Variants in LIN9 observed in about 807,000 individuals in gnomAD.
LIN9 encodes the protein protein lin-9 homolog.
A neutral mutation model predicts 78.0 loss-of-function variants in LIN9; 18 were observed. The ratio of observed to expected loss-of-function variants is 0.23; its 90% CI spans 0.16 to 0.34. The LOEUF is 0.34. LIN9 is among the 10% of genes least tolerant of loss of function. The pLI, the probability that LIN9 is intolerant of heterozygous loss-of-function variation, is 1.00. For missense variants in LIN9, 451 were observed against 644.1 expected (o/e 0.70, Z 3.25); for synonymous variants, 192 against 215.2 (o/e 0.89, Z 0.94).
At chr1:226,285,760 T>TG (rs1661349912) in intron 6 of LIN9, among the ~76,000 whole-genome samples, 1 of 152,184 alleles carries the variant, frequency 6.6e-6, no homozygotes, top group South Asian at 2.1e-4. Flanking sequence ...TAGGCACTTC[T>TG]GGGAAGGCTC....
intron 1 of LIN9, among the ~76,000 whole-genome samples, chr1:226,302,559 A>C (rs1310509742): frequency 2.0e-5 from 3 of 152,176 alleles, no homozygotes; most frequent in South Asian, 4.1e-4. Flanking sequence ...AAAAAAAAAA[A>C]AAAACAAACC....
chr1:226,277,562 A>C (rs1187688154), intron 7 of LIN9, among the ~76,000 whole-genome samples: 1 of 152,226 alleles, frequency 6.6e-6, no homozygotes. Context: ...AAAAATATCA[A>C]GTGATGTGTA....
intron 10 of LIN9, among the ~76,000 whole-genome samples, chr1:226,254,910 C>CAAAAAA (rs78061206): frequency 5.9e-5 from 3 of 50,706 alleles, no homozygotes; most frequent in Non-Finnish European, 8.2e-5. Context: ...GACTCTGTCT[C>CAAAAAA]AAAAAAAAAA....
chr1:226,267,006 C>T (rs986910749), intron 8 of LIN9, among the ~76,000 whole-genome samples: 2 of 151,794 alleles, frequency 1.3e-5, no homozygotes, highest in African/African-American at 2.4e-5. Context: ...TCTTGAACTC[C>T]TGACATCAGG....
rs143102965 is a variant in LIN9 at position 226,279,440 on chromosome 1, C to T, written c.525-1508G>A. On this transcript the variant is annotated intron_variant, in intron 6 of 14. Coordinates refer to ENST00000681046, the MANE Select transcript of LIN9 (RefSeq NM_001366245.2). ...GATTGTACCACTGCACTCCAGCCTGCACAACAGAGGGAGACTGTTCCCCAC... is the reference window on the plus strand; with the variant it reads ...GATTGTACCACTGCACTCCAGCCTGTACAACAGAGGGAGACTGTTCCCCAC... Among the ~76,000 whole-genome samples the T allele has an allele frequency of 6.0e-5, 9 of 151,246 alleles. No individual in the cohort carries two copies. The East Asian group carries it at 1.8e-3, about 30-fold the overall frequency.
upstream of LIN9, chr1:226,309,167 A>G: frequency 7.1e-7 from 1 of 1,402,750 alleles, no homozygotes; most frequent in Non-Finnish European, 9.4e-7. Context: ...GCTTTTTCAA[A>G]GGCTGCCCGC....
At chr1:226,244,552 T>G (rs1658340803) in intron 11 of LIN9, among the ~76,000 whole-genome samples, 1 of 152,178 alleles carries the variant, frequency 6.6e-6, no homozygotes, top group Non-Finnish European at 1.5e-5. Context: ...AAAAACCAGG[T>G]ATGATCACAA....
intron 11 of LIN9, among the ~76,000 whole-genome samples, chr1:226,244,018 G>A (rs1658298459): frequency 6.6e-6 from 1 of 151,478 alleles, no homozygotes; most frequent in East Asian, 2.1e-4. Context: ...GGGATTACAG[G>A]TGCAGGCTAC....
intron 10 of LIN9, among the ~76,000 whole-genome samples, chr1:226,261,450 AC>A (rs1319844514): frequency 6.6e-6 from 1 of 152,210 alleles, no homozygotes; most frequent in African/African-American, 2.4e-5. Context: ...GTTGCAGGAT[AC>A]AAAGTTAACA....
At chr1:226,272,048 TAAC>T (rs796469228) in intron 7 of LIN9, among the ~76,000 whole-genome samples, 152 of 144,598 alleles carry the variant, frequency 1.1e-3, no homozygotes, top group African/African-American at 4.2e-3. Context: ...CTCATTATCT[TAAC>T]TTTTTTTTTT....
intron 7 of LIN9, among the ~76,000 whole-genome samples, chr1:226,271,969 A>G (rs1203244890): frequency 6.7e-6 from 1 of 149,638 alleles, no homozygotes; most frequent in Admixed American, 6.7e-5. Flanking sequence ...CAACCTGTCT[A>G]TGATTTTATA....
At chr1:226,270,442 T>C (rs896206384) in intron 7 of LIN9, among the ~76,000 whole-genome samples, 1 of 152,010 alleles carries the variant, frequency 6.6e-6, no homozygotes, top group Non-Finnish European at 1.5e-5. Flanking sequence ...TTACTAGACA[T>C]GTAAAGAAGT....
chr1:226,298,255 C>T (rs563707934), intron 2 of LIN9, among the ~76,000 whole-genome samples: 1 of 152,232 alleles, frequency 6.6e-6, no homozygotes, highest in African/African-American at 2.4e-5. Flanking sequence ...ATCGCCCAGG[C>T]TGGAGTGCAG....
At chr1:226,236,990 T>C (rs1657760880) in intron 12 of LIN9, among the ~76,000 whole-genome samples, 1 of 152,250 alleles carries the variant, frequency 6.6e-6, no homozygotes, top group African/African-American at 2.4e-5. Flanking sequence ...CATGTTGATG[T>C]ATCTTTTTGG....
rs767991020 is a variant in LIN9, at chr1:226,239,154, C to A, written c.1120-58G>T. ...AGTTTGTTTTTTAGCAATGCAATTT[C>A]AATGATCTAAAAGGAGATTTGACTT... On this transcript the variant is annotated intron_variant, in intron 11 of 14. Coordinates refer to ENST00000681046, the MANE Select transcript of LIN9 (RefSeq NM_001366245.2). 57 of 1,563,384 alleles carry A rather than the reference C, an allele frequency of 3.6e-5. 1 individual carries two copies. Among genetic ancestry groups the A allele is most frequent in the Non-Finnish European group, 4.3e-5 (49 of 1,146,002 alleles).
intron 14 of LIN9, 48 bp from the exon 15 acceptor site, chr1:226,232,654 GA>G: frequency 2.4e-6 from 3 of 1,258,762 alleles, no homozygotes; most frequent in Admixed American, 2.2e-5. Flanking sequence ...AAAAAATTAA[GA>G]AAAAAATTTT....
rs60392041 is a variant in LIN9, at chr1:226,267,318, A to ATG, written c.816+638_816+639insCA. ...ATGTGTGTGTATATATATTATGTAT[A>ATG]TATGTATGTATGTATGTATGTATGT... On this transcript the variant is annotated intron_variant, in intron 8 of 14. Transcript: ENST00000681046. Among the ~76,000 whole-genome samples, 170 of 140,898 alleles carry ATG rather than the reference A, an allele frequency of 1.2e-3. 2 individuals are homozygous for ATG. Among genetic ancestry groups the ATG allele is most frequent in the African/African-American group, 3.7e-3 (139 of 37,628 alleles). 92.4% of individuals were successfully genotyped at this position (140,898 alleles called of 152,430 possible).
intron 7 of LIN9, among the ~76,000 whole-genome samples, chr1:226,275,753 C>T (rs975998775): frequency 6.6e-6 from 1 of 150,486 alleles, no homozygotes; most frequent in Non-Finnish European, 1.5e-5. Context: ...TGCAGCGGCT[C>T]ACGCCTGTAA....
intron 12 of LIN9, among the ~76,000 whole-genome samples, chr1:226,235,285 G>A (rs890970755): frequency 2.4e-5 from 3 of 124,732 alleles, no homozygotes; most frequent in Non-Finnish European, 3.1e-5. Context: ...TTGCGCCCCT[G>A]TACTCCAGCC....
Sources: allele counts gnomAD v4.1 joint callset (sites outside exome capture counted in the v4.1 genomes callset), GRCh38; gene constraint gnomAD v4.1.1; transcripts MANE v1.5; gene names NCBI Gene and HGNC (gene_info 2026-07-23, HGNC 2026-07-21).